Variants in CACNA2D1 observed in about 807,000 individuals in gnomAD.
CACNA2D1 encodes the protein calcium voltage-gated channel auxiliary subunit alpha2delta 1, also known as voltage-dependent calcium channel subunit alpha-2/delta-1.
CACNA2D1 carries 53 observed loss-of-function variants against 171.5 expected under a neutral mutation model. The ratio of observed to expected loss-of-function variants is 0.31; its 90% confidence interval spans 0.25 to 0.39. The LOEUF (loss-of-function observed/expected upper bound fraction) is 0.39. Ranked by LOEUF, CACNA2D1 falls within the 10% of genes least tolerant of loss-of-function variation. The pLI, the probability that CACNA2D1 is intolerant of heterozygous loss-of-function variation, is 1.00. For missense variants in CACNA2D1, 903 were observed against 1,299.8 expected, an observed-to-expected ratio of 0.69 and a Z score of 4.69; for synonymous variants, 442 against 443.1, an observed-to-expected ratio of 1.00 and a Z score of 0.03.
intron 17 of CACNA2D1, 57 bp from the exon 18 acceptor site, chr7:82,005,554 A>G: frequency 8.8e-7 from 1 of 1,132,938 alleles, no homozygotes. Context: ...TTAGAAATCT[A>G]TATTCTTTTA....
chr7:82,125,906 C>G (rs531629825), intron 5 of CACNA2D1, among the ~76,000 whole-genome samples: 5 of 152,104 alleles, frequency 3.3e-5, no homozygotes, highest in South Asian at 2.1e-4. Context: ...ATATAATGCC[C>G]TTTCATTATT....
intron 1 of CACNA2D1, among the ~76,000 whole-genome samples, chr7:82,418,168 C>A (rs1272395627): frequency 6.6e-6 from 1 of 152,092 alleles, no homozygotes; most frequent in Non-Finnish European, 1.5e-5. Context: ...GAAATGAGTG[C>A]CCAGCAAAGG....
intron 2 of CACNA2D1, among the ~76,000 whole-genome samples, chr7:82,341,046 G>A (rs775828046): frequency 7.9e-5 from 12 of 152,214 alleles, no homozygotes; most frequent in Admixed American, 3.9e-4. Flanking sequence ...ATTTTGCAAC[G>A]TGGGATGGTT....
chr7:82,129,466 GA>G (rs892910038), intron 5 of CACNA2D1, among the ~76,000 whole-genome samples: 1 of 152,104 alleles, frequency 6.6e-6, no homozygotes, highest in Non-Finnish European at 1.5e-5. Context: ...TCTGGCATTT[GA>G]AGAGTACTTC....
At chr7:82,060,222 A>AT (rs1491236236) in intron 10 of CACNA2D1, among the ~76,000 whole-genome samples, 30 of 58,784 alleles carry the variant, frequency 5.1e-4, no homozygotes, top group South Asian at 2.2e-3. Flanking sequence ...ATATATATAT[A>AT]ATATATATAT....
At chr7:82,400,177 C>T (rs1340981781) in intron 1 of CACNA2D1, among the ~76,000 whole-genome samples, 7 of 150,574 alleles carry the variant, frequency 4.6e-5, no homozygotes, top group African/African-American at 9.8e-5. Context: ...ATTGACTTGG[C>T]GATGCGGGCT....
At chr7:82,090,470 C>T (rs936966072) in intron 6 of CACNA2D1, among the ~76,000 whole-genome samples, 5 of 151,974 alleles carry the variant, frequency 3.3e-5, no homozygotes, top group African/African-American at 1.2e-4. Flanking sequence ...TTTACCATTT[C>T]ATGTAATTTA....
intron 3 of CACNA2D1, among the ~76,000 whole-genome samples, chr7:82,231,659 C>T (rs1022023341): frequency 1.3e-4 from 19 of 151,820 alleles, no homozygotes; most frequent in African/African-American, 4.4e-4. Flanking sequence ...TAAAAACTGC[C>T]CTTACATTTA....
chr7:82,261,239 G>A (rs1344119532), intron 3 of CACNA2D1, among the ~76,000 whole-genome samples: 1 of 152,226 alleles, frequency 6.6e-6, no homozygotes, highest in Non-Finnish European at 1.5e-5. Context: ...ATAGGCATGG[G>A]CCGCCGCACC....
intron 10 of CACNA2D1, among the ~76,000 whole-genome samples, chr7:82,060,167 T>TATATATATAATATA: frequency 7.9e-5 from 1 of 12,634 alleles, no homozygotes; most frequent in East Asian, 5.1e-3. Context: ...ATATATATAA[T>TATATATATAATATA]ATATATATAT....
chr7:82,404,203 G>A (rs1041465564), intron 1 of CACNA2D1, among the ~76,000 whole-genome samples: 1 of 152,150 alleles, frequency 6.6e-6, no homozygotes, highest in African/African-American at 2.4e-5. Flanking sequence ...GGAGCCAAAA[G>A]AAAGACAGGG....
At chr7:81,962,083 C>T in intron 35 of CACNA2D1, 60 bp from the exon 36 acceptor site, 1 of 1,540,690 alleles carries the variant, frequency 6.5e-7, no homozygotes, top group Non-Finnish European at 9.0e-7. Flanking sequence ...TCTCTGTAGT[C>T]ACTCCCCTCG....
intron 3 of CACNA2D1, among the ~76,000 whole-genome samples, chr7:82,303,696 A>G (rs2129427833): frequency 6.6e-6 from 1 of 152,242 alleles, no homozygotes; most frequent in South Asian, 2.1e-4. Context: ...CCTATCTTTC[A>G]CCATATACAA....
In CACNA2D1 at chr7:82,035,192, AGTT is replaced by A; in HGVS notation, c.1039-2294_1039-2292del. 2.0e-5 allele frequency among the ~76,000 whole-genome samples: 3 copies of A among 152,232 alleles called. No homozygotes were observed. In the East Asian group the frequency reaches 5.8e-4, roughly 29 times the overall value. On this transcript the variant is annotated intron_variant, in intron 11 of 38. Transcript: ENST00000356860. ...TCTATCATATATACACTCTATATAA[AGTT>A]TTTTTGAAAAATGCATATATATGGT...
rs986837603 is a variant in CACNA2D1, at chr7:81,946,972, A to G, written c.*3420T>C. 2.0e-5 allele frequency: 3 copies of G among 152,122 alleles called. No homozygotes were observed. The highest frequency in any genetic ancestry group is 2.9e-5 in the Non-Finnish European group (2 of 67,990). The allele number at this position is 152,122 out of a possible 1,614,324, so 9.4% of individuals were successfully genotyped here. A position where few individuals can be genotyped will look rare whatever the true frequency, so the allele number is the denominator to read the frequency against. On this transcript the variant is annotated 3_prime_UTR_variant, in exon 39 of 39. Transcript: ENST00000356860. ...AAACAATACAAGTTTAGATGAAAAA[A>G]TATTTAAAATTTTGGGCAAGTGAAA...
chr7:81,999,987 A>G (rs1798421902), intron 18 of CACNA2D1, among the ~76,000 whole-genome samples: 2 of 152,150 alleles, frequency 1.3e-5, no homozygotes, highest in Admixed American at 1.3e-4. Context: ...GAGGCCGGGC[A>G]CAGTGGCTCA....
chr7:82,138,860 C>T (rs191187033), intron 4 of CACNA2D1, among the ~76,000 whole-genome samples: 1 of 152,218 alleles, frequency 6.6e-6, no homozygotes, highest in Non-Finnish European at 1.5e-5. Flanking sequence ...CTGCTTGTAC[C>T]TCTGCAGTTT....
At chr7:82,014,862 T>C (rs1176634865) in intron 12 of CACNA2D1, among the ~76,000 whole-genome samples, 1 of 152,146 alleles carries the variant, frequency 6.6e-6, no homozygotes, top group African/African-American at 2.4e-5. Flanking sequence ...GAGACCATCC[T>C]GGCTAACATG....
intron 1 of CACNA2D1, among the ~76,000 whole-genome samples, chr7:82,417,325 T>G (rs911115995): frequency 6.6e-6 from 1 of 152,214 alleles, no homozygotes; most frequent in African/African-American, 2.4e-5. Flanking sequence ...AAGGGAAATT[T>G]ACCCCTGGAC....
Sources: allele counts gnomAD v4.1 joint callset (sites outside exome capture counted in the v4.1 genomes callset), GRCh38; gene constraint gnomAD v4.1.1; transcripts MANE v1.5; gene names NCBI Gene and HGNC (gene_info 2026-07-23, HGNC 2026-07-21).